The following ATP1A2 variants were observed in gnomAD, a reference collection of about 807,000 sequenced individuals.
ATP1A2 encodes sodium/potassium-transporting ATPase subunit alpha-2.
In ATP1A2, 56 loss-of-function variants were observed where a neutral mutation model predicts 113.1. The observed-to-expected ratio is 0.49, with a 90% CI of 0.40 to 0.62. ATP1A2 has a LOEUF of 0.62. ATP1A2 is among the 20% of genes least tolerant of loss of function. The probability of loss-of-function intolerance (pLI) is 0.00; values close to 1 mark genes in which losing one functional copy is unlikely to be tolerated. For missense variants in ATP1A2, 712 were observed against 1,357.8 expected, an observed-to-expected ratio of 0.52 and a Z score of 7.47; for synonymous variants, 490 against 526.8, an observed-to-expected ratio of 0.93 and a Z score of 0.96.
At position 160,134,494 on chromosome 1, in the gene ATP1A2, TA is replaced by T. The variant is rs1228650471; in HGVS notation, c.1840del (p.Thr614ProfsTer36). 6.2e-7 allele frequency: 1 copy of T among 1,614,198 alleles called. No individual in the cohort carries two copies. Among genetic ancestry groups the T allele is most frequent in the Non-Finnish European group, 8.5e-7 (1 of 1,180,032 alleles). On this transcript the variant is annotated frameshift_variant, in exon 14 of 23. Coordinates refer to ENST00000361216, the MANE Select transcript of ATP1A2 (RefSeq NM_000702.4). LOFTEE classifies it high-confidence loss of function. Reference protein sequence around the residue: ...CRSAGIKVIMVTGDHPITAKA... With the variant: ...CRSAGIKVIMXTGDHPITAKA... The stretch of plus-strand genomic sequence containing the variant: ...TCTCCTTCCCACTAGGTGATCATGG[TA>T]ACCGGGGATCACCCTATCACAGCCA...
intron 17 of ATP1A2, 86 bp from the exon 18 acceptor site, chr1:160,136,161 G>A (rs772612894): frequency 1.2e-5 from 19 of 1,605,466 alleles, no homozygotes; most frequent in South Asian, 8.8e-5. Context: ...CTGTGTCAAC[G>A]ATCGTCACTG....
In ATP1A2 at chr1:160,139,632, C is replaced by G; in HGVS notation, c.2841-8C>G. 6.2e-7 allele frequency: 1 copy of G among 1,613,724 alleles called. No homozygotes were observed. The highest frequency in any genetic ancestry group is 8.5e-7 in the Non-Finnish European group (1 of 1,179,722). On this transcript the variant is annotated splice_polypyrimidine_tract_variant and splice_region_variant and intron_variant, in intron 20 of 22. Transcript: ENST00000361216. ...CTTCACCTGCCACCTCCTTTCTTTGCCTTTCAGGAACAAGATCCTGATTTT... is the reference window on the plus strand; with the variant it reads ...CTTCACCTGCCACCTCCTTTCTTTGGCTTTCAGGAACAAGATCCTGATTTT...
rs1310458660 is a variant in ATP1A2 at position 160,129,201 on chromosome 1, C to T, written c.1327-65C>T. On this transcript the variant is annotated intron_variant, in intron 10 of 22. Coordinates refer to ENST00000361216, the MANE Select transcript of ATP1A2 (RefSeq NM_000702.4). ...GGCTGCCTTGGGGGTTTCAGTGCCGCCTTCACCTGATCCTCCACTCCCTTC... is the reference window on the plus strand; with the variant it reads ...GGCTGCCTTGGGGGTTTCAGTGCCGTCTTCACCTGATCCTCCACTCCCTTC... 2.5e-6 allele frequency: 4 copies of T among 1,612,690 alleles called. No individual in the cohort carries two copies. The South Asian group carries it at 3.3e-5, about 13-fold the overall frequency.
intron 21 of ATP1A2, 71 bp from the exon 22 acceptor site, chr1:160,139,822 G>C (rs949493692): frequency 9.3e-6 from 15 of 1,610,914 alleles, no homozygotes; most frequent in Non-Finnish European, 1.3e-5. Flanking sequence ...TGATCGCTTT[G>C]AATGCTCCTT....
intron 4 of ATP1A2, among the ~76,000 whole-genome samples, chr1:160,123,625 A>G (rs898315079): frequency 9.2e-5 from 14 of 152,220 alleles, no homozygotes; most frequent in African/African-American, 3.4e-4. Flanking sequence ...ATACTCATTA[A>G]TTAATGAAAC....
At chr1:160,120,857 C>A in intron 1 of ATP1A2, 49 bp from the exon 2 acceptor site, 2 of 1,531,938 alleles carry the variant, frequency 1.3e-6, no homozygotes, top group Non-Finnish European at 1.8e-6. Context: ...GGAATGGAGG[C>A]CCCAGCCCCT....
intron 1 of ATP1A2, among the ~76,000 whole-genome samples, chr1:160,119,989 C>G (rs976063927): frequency 2.0e-4 from 30 of 151,588 alleles, no homozygotes; most frequent in Non-Finnish European, 2.7e-4. Context: ...ACACTGCATT[C>G]CATCCTGGGT....
intron 5 of ATP1A2, 42 bp from the exon 6 acceptor site, chr1:160,124,254 G>A (rs1651511226): frequency 6.4e-7 from 1 of 1,567,738 alleles, no homozygotes; most frequent in East Asian, 2.4e-5. Flanking sequence ...GAAGGCAGGG[G>A]CAGAGACAAG....
At chr1:160,130,313 G>T (rs761906049) in intron 12 of ATP1A2, 22 bp downstream of exon 12, 4 of 1,614,098 alleles carry the variant, frequency 2.5e-6, no homozygotes, top group Admixed American at 1.7e-5. Flanking sequence ...GAAACAGGAG[G>T]CTCAGAAGGG....
In ATP1A2 at chr1:160,136,155, G is replaced by A. The variant is rs557066253; in HGVS notation, c.2440-92G>A. 2.9e-5 allele frequency: 46 copies of A among 1,604,170 alleles called. No homozygotes were observed. The South Asian group carries it at 3.7e-4, about 13-fold the overall frequency. On this transcript the variant is annotated intron_variant, in intron 17 of 22. Coordinates refer to ENST00000361216, the MANE Select transcript of ATP1A2 (RefSeq NM_000702.4). ...TCTGAATACACGCTTTTTTAACTGT[G>A]TCAACGATCGTCACTGTCGAAGATC...
intron 3 of ATP1A2, 125 bp from the exon 4 acceptor site, chr1:160,123,088 C>T: frequency 8.8e-7 from 1 of 1,132,372 alleles, no homozygotes; most frequent in Non-Finnish European, 1.3e-6. Flanking sequence ...TCCCCCACCC[C>T]TTCCAACCAG....
chr1:160,137,476 T>C (rs1651993707), intron 20 of ATP1A2, among the ~76,000 whole-genome samples: 1 of 152,252 alleles, frequency 6.6e-6, no homozygotes, highest in Non-Finnish European at 1.5e-5. Flanking sequence ...TGCCAGGCAC[T>C]GTGCTAAGTG....
intron 7 of ATP1A2, among the ~76,000 whole-genome samples, chr1:160,126,317 A>G (rs191245071): frequency 6.6e-6 from 1 of 152,222 alleles, no homozygotes; most frequent in East Asian, 1.9e-4. Flanking sequence ...TTTTGTTTTT[A>G]AATTTGTATT....
Position 160,125,133 on chromosome 1 carries a change from C to T in ATP1A2, c.631-3C>T. On this transcript the variant is annotated splice_region_variant and splice_polypyrimidine_tract_variant and intron_variant, in intron 6 of 22. Transcript: ENST00000361216. ...TGATGACTATGCACTCCTTCCTCCT[C>T]AGGTGGATAACTCATCCTTAACAGG... is the stretch of plus-strand genomic sequence containing the variant. The T allele has an allele frequency of 1.2e-6, 2 of 1,613,684 alleles. No individual in the cohort carries two copies. The highest frequency in any genetic ancestry group is 1.7e-6 in the Non-Finnish European group (2 of 1,179,596).
At chr1:160,126,761 G>A (rs1039387894) in intron 7 of ATP1A2, among the ~76,000 whole-genome samples, 3 of 152,188 alleles carry the variant, frequency 2.0e-5, no homozygotes, top group Non-Finnish European at 2.9e-5. Context: ...ATGAGCCACC[G>A]AGCCTGGCCA....
At chr1:160,132,156 G>C (rs1007846852) in intron 13 of ATP1A2, among the ~76,000 whole-genome samples, 4 of 152,206 alleles carry the variant, frequency 2.6e-5, no homozygotes, top group African/African-American at 9.7e-5. Flanking sequence ...GGAGAGGAAG[G>C]CATGTCAAGA....
intron 20 of ATP1A2, 179 bp downstream of exon 20, chr1:160,137,210 G>C: frequency 2.8e-6 from 3 of 1,057,314 alleles, no homozygotes; most frequent in East Asian, 2.6e-5. Context: ...CATGCTTCAG[G>C]CTCCTAATTT....
At chr1:160,127,400 G>C (rs1651618132) in intron 7 of ATP1A2, 152 bp from the exon 8 acceptor site, 2 of 1,011,000 alleles carry the variant, frequency 2.0e-6, no homozygotes, top group Non-Finnish European at 3.0e-6. Context: ...GGGAAAGGAA[G>C]GCCAAGTGGG....
At chr1:160,120,812 C>T in intron 1 of ATP1A2, 94 bp from the exon 2 acceptor site, 1 of 1,311,446 alleles carries the variant, frequency 7.6e-7, no homozygotes, top group Middle Eastern at 2.4e-4. Context: ...TTTGAACACA[C>T]ACCCCCACTG....
Sources: gnomAD v4.1 joint callset for allele counts (sites outside exome capture counted in the v4.1 genomes callset) on GRCh38, gnomAD v4.1.1 for gene constraint, MANE v1.5 for transcripts, NCBI Gene and HGNC (gene_info 2026-07-23, HGNC 2026-07-21) for gene names.